Variants in PPEF1 observed in about 807,000 individuals in gnomAD.
PPEF1 encodes protein phosphatase with EF-hand domain 1, also known as serine/threonine-protein phosphatase with EF-hands 1.
Under a neutral mutation model 53.3 loss-of-function variants are expected in PPEF1, and 12 were observed. The ratio of observed to expected loss-of-function variants is 0.23; its 90% confidence interval spans 0.14 to 0.36. The LOEUF is 0.36. Among genes scored for constraint, PPEF1 ranks in the 10% least tolerant of loss-of-function variants. The pLI, the probability that PPEF1 is intolerant of heterozygous loss-of-function variation, is 1.00. For synonymous variants in PPEF1, 165 were observed against 176.7 expected (o/e 0.93, Z 0.52); for missense variants, 334 against 490.4 (o/e 0.68, Z 3.01).
chrX:18,812,216 G>A (rs1035325797), intron 12 of PPEF1, among the ~76,000 whole-genome samples: 1 of 111,583 alleles, frequency 9.0e-6, no homozygotes, highest in Non-Finnish European at 1.9e-5. Flanking sequence ...TGGATATCCA[G>A]TTGTCCCAGA....
In PPEF1 at chrX:18,707,717, T is replaced by G. The variant is rs1265410976; in HGVS notation, c.-64T>G. 2 of 1,098,506 alleles carry G rather than the reference T, an allele frequency of 1.8e-6. No homozygotes were observed. Among genetic ancestry groups the G allele is most frequent in the African/African-American group, 3.6e-5 (2 of 55,586 alleles). 90.5% of individuals were successfully genotyped at this position (1,098,506 alleles called of 1,213,427 possible). ...TTCCTCGCAGCTTAAAGGGAGGCAC[T>G]TTTCACACTCTGTCTTAAAATCAGA... On this transcript the variant is annotated 5_prime_UTR_variant, in exon 1 of 16. Transcript: ENST00000470157.
chrX:18,676,835 C>T (rs754176808), intron 1 of PPEF1, among the ~76,000 whole-genome samples: 2 of 111,432 alleles, frequency 1.8e-5, no homozygotes, highest in East Asian at 5.7e-4. Context: ...CAAGTTCCCA[C>T]ACTTAACCTC....
chrX:18,686,961 G>C (rs746704855), intron 3 of PPEF1, among the ~76,000 whole-genome samples: 1 of 111,094 alleles, frequency 9.0e-6, no homozygotes, highest in African/African-American at 3.3e-5. Flanking sequence ...CCTCCATCCT[G>C]CATCCATCCT....
intron 1 of PPEF1, among the ~76,000 whole-genome samples, chrX:18,716,575 C>T (rs751749934): frequency 6.6e-5 from 7 of 106,790 alleles, no homozygotes; most frequent in African/African-American, 2.4e-4. Flanking sequence ...AAGCCATTCA[C>T]AGCTGCTTGA....
chrX:18,706,512 AGGCAG>A (rs2044200846), upstream of PPEF1, among the ~76,000 whole-genome samples: 1 of 110,861 alleles, frequency 9.0e-6, no homozygotes, highest in African/African-American at 3.3e-5. Flanking sequence ...TGGGAGGCCG[AGGCAG>A]GTGGATCACC....
chrX:18,827,241 A>G, intron 15 of PPEF1, 35 bp from the exon 16 acceptor site: 1 of 1,153,543 alleles, frequency 8.7e-7, no homozygotes, highest in East Asian at 3.0e-5. Context: ...GGGTCTTAAA[A>G]TGAACACTCA....
chrX:18,725,810 G>A (rs970186228), intron 1 of PPEF1, among the ~76,000 whole-genome samples: 2 of 111,388 alleles, frequency 1.8e-5, no homozygotes, highest in African/African-American at 6.5e-5. Flanking sequence ...AGAAGAGGAA[G>A]TAGAAGACAG....
intron 3 of PPEF1, among the ~76,000 whole-genome samples, chrX:18,747,711 A>T (rs1463681290): frequency 8.9e-6 from 1 of 112,065 alleles, no homozygotes; most frequent in African/African-American, 3.2e-5. Flanking sequence ...TCTCATGAAC[A>T]CTGCAATCAT....
intron 9 of PPEF1, among the ~76,000 whole-genome samples, chrX:18,786,206 C>T (rs2046195059): frequency 9.0e-6 from 1 of 111,553 alleles, no homozygotes; most frequent in African/African-American, 3.3e-5. Context: ...CCTGAGCAGC[C>T]AGCTCTATCG....
In PPEF1 at chrX:18,817,068, ATGTGTG is replaced by A. The variant is rs72334387; in HGVS notation, c.1395-939_1395-934del. On this transcript the variant is annotated intron_variant, in intron 12 of 15. Coordinates refer to ENST00000470157, the MANE Select transcript of PPEF1 (RefSeq NM_001377996.1). ...CTGGATTTACATCTATCATTTTGCC[ATGTGTG>A]TGTGTGTGTGTGTGTGTGTGTGTGT... Among the ~76,000 whole-genome samples the A allele has an allele frequency of 9.7e-4, 97 of 100,108 alleles. 2 individuals are homozygous for A. Among genetic ancestry groups the A allele is most frequent in the East Asian group, 8.3e-3 (26 of 3,130 alleles). The allele number at this position is 100,108 out of a possible 115,157, so 86.9% of individuals were successfully genotyped here.
chrX:18,676,129 A>G (rs1446245152), exon 1 of PPEF1: 4 of 110,753 alleles, frequency 3.6e-5, no homozygotes, highest in African/African-American at 9.9e-5. Context: ...GGAAGAAACC[A>G]GGTGGGTGCA....
In PPEF1 at chrX:18,695,981, T is replaced by A. The variant is rs141471025; in HGVS notation, c.-312-1864T>A. ...CCACTTTTAATTTCTTTTAATGACT[T>A]CCTAATGACTTGCCAGATCTGGCCT... is the stretch of plus-strand genomic sequence containing the variant. On this transcript the variant is annotated intron_variant, in intron 4 of 21. Transcript: ENST00000361511. 2.8e-3 allele frequency among the ~76,000 whole-genome samples: 317 copies of A among 112,249 alleles called. 1 individual carries two copies. The highest frequency in any genetic ancestry group is 4.4e-3 in the Non-Finnish European group (236 of 53,274).
intron 1 of PPEF1, among the ~76,000 whole-genome samples, chrX:18,683,620 G>A (rs183626676): frequency 7.3e-4 from 82 of 111,988 alleles, no homozygotes; most frequent in African/African-American, 2.5e-3. Flanking sequence ...ATCTGGCTCC[G>A]TGGGCTGTGC....
chrX:18,717,508 G>A (rs961250570), intron 1 of PPEF1, among the ~76,000 whole-genome samples: 1 of 110,115 alleles, frequency 9.1e-6, no homozygotes, highest in African/African-American at 3.3e-5. Flanking sequence ...CCTTAGGGGT[G>A]CATTTGTACC....
In PPEF1 at chrX:18,783,983, G is replaced by A. The variant is rs763835929; in HGVS notation, c.847G>A (p.Val283Ile). Residue 283 changes from valine (V) to isoleucine (I), a missense_variant, in exon 9 of 16, where the codon GTC (valine) becomes ATC (isoleucine). Transcript: ENST00000470157. Reference sequence around the variant, plus strand: ...TACAATCGTTGACAATGAAATCCTGGTCATCCATGGTGGGATATCAGAGAC... The same window carrying A: ...TACAATCGTTGACAATGAAATCCTGATCATCCATGGTGGGATATCAGAGAC... ...IGTIVDNEIL[V>I]IHGGISETTD... The A allele has an allele frequency of 8.3e-7, 1 of 1,208,633 alleles. No homozygotes were observed. Among genetic ancestry groups the A allele is most frequent in the Non-Finnish European group, 1.1e-6 (1 of 893,045 alleles).
At chrX:18,793,117 A>G (rs1280650408) in intron 10 of PPEF1, among the ~76,000 whole-genome samples, 3 of 107,926 alleles carry the variant, frequency 2.8e-5, no homozygotes, top group Non-Finnish European at 5.7e-5. Flanking sequence ...AGAAGGTAAT[A>G]TCATTGACTT....
At chrX:18,777,650 G>A (rs2045996015) in intron 6 of PPEF1, among the ~76,000 whole-genome samples, 1 of 109,984 alleles carries the variant, frequency 9.1e-6, no homozygotes, top group Admixed American at 9.6e-5. Flanking sequence ...CTCCCGAGTA[G>A]CTGGGACTGC....
intron 9 of PPEF1, among the ~76,000 whole-genome samples, chrX:18,788,662 T>C (rs2046268107): frequency 9.0e-6 from 1 of 111,612 alleles, no homozygotes; most frequent in Non-Finnish European, 1.9e-5. Flanking sequence ...TTAAGAACTT[T>C]CTTGGACACA....
At chrX:18,725,380 C>T (rs1044416255) in intron 1 of PPEF1, among the ~76,000 whole-genome samples, 1 of 111,983 alleles carries the variant, frequency 8.9e-6, no homozygotes, top group Non-Finnish European at 1.9e-5. Context: ...GTGGTGCACT[C>T]AGCTGGTGCT....
Sources: gnomAD v4.1 joint callset for allele counts (sites outside exome capture counted in the v4.1 genomes callset) on GRCh38, gnomAD v4.1.1 for gene constraint, MANE v1.5 for transcripts, NCBI Gene and HGNC (gene_info 2026-07-23, HGNC 2026-07-21) for gene names.